Variants in EIF2B3 observed in about 807,000 individuals in gnomAD.
The protein encoded by EIF2B3 is eukaryotic translation initiation factor 2B subunit gamma, also known as translation initiation factor eIF2B subunit gamma.
A neutral mutation model predicts 54.1 loss-of-function variants in EIF2B3; 20 were observed. The observed-to-expected ratio is 0.37, with a 90% CI of 0.26 to 0.54. EIF2B3 has a LOEUF of 0.54. Among genes scored for constraint, EIF2B3 ranks in the 20% least tolerant of loss-of-function variants. EIF2B3 has a pLI of 0.86. For missense variants in EIF2B3, 448 were observed against 547.8 expected, an observed-to-expected ratio of 0.82 and a Z score of 1.82; for synonymous variants, 153 against 188.1, an observed-to-expected ratio of 0.81 and a Z score of 1.52.
At chr1:44,891,281 G>T (rs1437805861) in intron 6 of EIF2B3, among the ~76,000 whole-genome samples, 2 of 151,802 alleles carry the variant, frequency 1.3e-5, no homozygotes, top group East Asian at 3.9e-4. Context: ...TTTTAAATTT[G>T]TTGTAGAGAT....
At chr1:44,951,953 A>ATTTT (rs1557701522) in intron 3 of EIF2B3, among the ~76,000 whole-genome samples, 2 of 57,522 alleles carry the variant, frequency 3.5e-5, no homozygotes, top group African/African-American at 2.1e-4. Context: ...ATGCCTGGCT[A>ATTTT]ATTTTTTTTT....
At chr1:44,875,263 C>T (rs1357917728) in intron 9 of EIF2B3, among the ~76,000 whole-genome samples, 2 of 152,118 alleles carry the variant, frequency 1.3e-5, no homozygotes, top group Admixed American at 6.5e-5. Flanking sequence ...AGGACCCATA[C>T]CAGATAAAAC....
intron 10 of EIF2B3, among the ~76,000 whole-genome samples, chr1:44,868,893 T>G (rs764713077): frequency 6.6e-6 from 1 of 152,144 alleles, no homozygotes; most frequent in Non-Finnish European, 1.5e-5. Flanking sequence ...AATGCTACAT[T>G]TATTCATCTA....
intron 5 of EIF2B3, among the ~76,000 whole-genome samples, chr1:44,909,828 C>T (rs865926410): frequency 6.6e-6 from 1 of 152,102 alleles, no homozygotes; most frequent in African/African-American, 2.4e-5. Context: ...GAGGTACTAA[C>T]TTACATAAAT....
chr1:44,878,510 G>A (rs1278367598), intron 8 of EIF2B3, among the ~76,000 whole-genome samples: 2 of 152,018 alleles, frequency 1.3e-5, no homozygotes, highest in East Asian at 1.9e-4. Context: ...CGATCCACCC[G>A]TCTCAGCCTC....
In EIF2B3 at chr1:44,857,855, A is replaced by G. The variant is rs532129358; in HGVS notation, c.1203-48T>C. 1.1e-5 allele frequency: 17 copies of G among 1,569,506 alleles called. No homozygotes were observed. In the East Asian group the frequency reaches 2.9e-4, roughly 27 times the overall value. ...GGGAGGACCCAAGGCTCGCATCACC[A>G]TCCTCATTACTATTGGTTGGGGGTT... is the stretch of plus-strand genomic sequence containing the variant. On this transcript the variant is annotated intron_variant, in intron 10 of 11. Coordinates refer to ENST00000360403, the MANE Select transcript of EIF2B3 (RefSeq NM_020365.5).
chr1:44,855,573 T>C (rs1007059852), intron 11 of EIF2B3, among the ~76,000 whole-genome samples: 2 of 151,980 alleles, frequency 1.3e-5, no homozygotes, highest in Non-Finnish European at 2.9e-5. Context: ...TTTTTTTTTT[T>C]TGAGATGGAG....
chr1:44,936,052 G>A (rs1351489901), intron 4 of EIF2B3, among the ~76,000 whole-genome samples: 2 of 151,412 alleles, frequency 1.3e-5, no homozygotes, highest in African/African-American at 4.9e-5. Context: ...TCAGTAAGTA[G>A]TATCAAGCAA....
At chr1:44,969,458 CAA>C (rs1644379466) in intron 3 of EIF2B3, among the ~76,000 whole-genome samples, 1 of 152,136 alleles carries the variant, frequency 6.6e-6, no homozygotes, top group Non-Finnish European at 1.5e-5. Context: ...ACTGAAAACT[CAA>C]ACACTGATTA....
intron 3 of EIF2B3, among the ~76,000 whole-genome samples, chr1:44,977,076 G>A (rs528758029): frequency 6.2e-4 from 94 of 152,262 alleles, no homozygotes; most frequent in Middle Eastern, 6.8e-3. Flanking sequence ...TACAAAAGTC[G>A]GTTGAAAATA....
chr1:44,917,322 C>T (rs1418455143), intron 5 of EIF2B3, among the ~76,000 whole-genome samples: 7 of 151,868 alleles, frequency 4.6e-5, no homozygotes, highest in Admixed American at 1.3e-4. Context: ...GGTGAAACCC[C>T]GTCTCTACTA....
At chr1:44,962,346 C>G (rs182893254) in intron 3 of EIF2B3, among the ~76,000 whole-genome samples, 1 of 152,220 alleles carries the variant, frequency 6.6e-6, no homozygotes, top group Admixed American at 6.5e-5. Context: ...CACCAAGCAG[C>G]CAATGCTATA....
chr1:44,970,023 TCAGGGAA>T (rs1644384554), intron 3 of EIF2B3: 3 of 152,124 alleles, frequency 2.0e-5, no homozygotes, highest in African/African-American at 7.2e-5. Flanking sequence ...TCTTGATAAG[TCAGGGAA>T]AGAGGTTTGG....
rs58984568 is a variant in EIF2B3, at chr1:44,947,235, G to A, written c.295-5570C>T. On this transcript the variant is annotated intron_variant, in intron 3 of 11. Coordinates refer to ENST00000360403, the MANE Select transcript of EIF2B3 (RefSeq NM_020365.5). ...AAGGAAAGCAGATGTGTGCACTCTT[G>A]ACAATATAGAAACATGCAAGGTTTC... is the stretch of plus-strand genomic sequence containing the variant. Among the ~76,000 whole-genome samples, 343 of 152,270 alleles carry A rather than the reference G, an allele frequency of 2.3e-3. 2 individuals are homozygous for A. Among genetic ancestry groups the A allele is most frequent in the African/African-American group, 8.1e-3 (335 of 41,556 alleles).
At chr1:44,885,446 A>G (rs1304492271) in intron 6 of EIF2B3, among the ~76,000 whole-genome samples, 1 of 152,246 alleles carries the variant, frequency 6.6e-6, no homozygotes, top group East Asian at 1.9e-4. Flanking sequence ...ACTGTCACAT[A>G]ATGGGAGTCG....
intron 3 of EIF2B3, among the ~76,000 whole-genome samples, chr1:44,944,187 T>C (rs1312361343): frequency 6.6e-6 from 1 of 152,150 alleles, no homozygotes; most frequent in African/African-American, 2.4e-5. Flanking sequence ...CCAGGCACAG[T>C]AGCACATGCC....
At chr1:44,899,358 G>C (rs1656086160) in intron 5 of EIF2B3, among the ~76,000 whole-genome samples, 1 of 152,144 alleles carries the variant, frequency 6.6e-6, no homozygotes, top group Non-Finnish European at 1.5e-5. Flanking sequence ...AAGAGCTTCT[G>C]CACAGCAAAA....
chr1:44,880,614 T>C (rs1261134214), intron 7 of EIF2B3, among the ~76,000 whole-genome samples: 1 of 152,142 alleles, frequency 6.6e-6, no homozygotes, highest in Non-Finnish European at 1.5e-5. Flanking sequence ...TCCTTTGAGA[T>C]CTTTTACTTT....
At chr1:44,893,697 C>T (rs899699198) in intron 6 of EIF2B3, among the ~76,000 whole-genome samples, 4 of 152,126 alleles carry the variant, frequency 2.6e-5, no homozygotes, top group African/African-American at 9.7e-5. Flanking sequence ...AACCCCAAGA[C>T]TGTAAGTACT....
Sources: gnomAD v4.1 joint callset for allele counts (sites outside exome capture counted in the v4.1 genomes callset) on GRCh38, gnomAD v4.1.1 for gene constraint, MANE v1.5 for transcripts, NCBI Gene and HGNC (gene_info 2026-07-23, HGNC 2026-07-21) for gene names.